ERP44: variants seen among roughly 807,000 people sequenced by gnomAD.
The protein encoded by ERP44 is endoplasmic reticulum resident protein 44.
ERP44 carries 25 observed loss-of-function variants against 53.4 expected under a neutral mutation model. That is an observed-to-expected ratio of 0.47 (90% CI 0.34 to 0.65). The LOEUF (loss-of-function observed/expected upper bound fraction) is 0.65. Among genes scored for constraint, ERP44 ranks in the 30% least tolerant of loss-of-function variants. ERP44 has a pLI of 0.01. For missense variants in ERP44, 338 were observed against 493.2 expected, an observed-to-expected ratio of 0.69 and a Z score of 2.98; for synonymous variants, 145 against 161.2, an observed-to-expected ratio of 0.90 and a Z score of 0.76.
At chr9:99,999,747 T>G (rs2118622510) in intron 10 of ERP44, among the ~76,000 whole-genome samples, 1 of 152,320 alleles carries the variant, frequency 6.6e-6, no homozygotes, top group Non-Finnish European at 1.5e-5. Context: ...ATCCAAAAAT[T>G]TGTGGCCCAC....
chr9:100,092,705 C>T (rs1238262982), intron 1 of ERP44, among the ~76,000 whole-genome samples: 3 of 152,106 alleles, frequency 2.0e-5, no homozygotes, highest in East Asian at 1.9e-4. Flanking sequence ...AACAAGAACC[C>T]ATAATACAAA....
At chr9:100,024,946 G>C (rs370711541) in intron 4 of ERP44, among the ~76,000 whole-genome samples, 12 of 152,138 alleles carry the variant, frequency 7.9e-5, no homozygotes, top group African/African-American at 2.9e-4. Flanking sequence ...ACTGACACTA[G>C]AAGAAACAGA....
rs181813663 is a variant in ERP44 at position 100,029,971 on chromosome 9, C to A, written c.287-7745G>T. The stretch of plus-strand genomic sequence containing the variant: ...GGCGTGGTGGTGCGCACCTGTAGTT[C>A]CAGCTACTCAGGAGGCTGAGGCGGG... On this transcript the variant is annotated intron_variant, in intron 4 of 11. Coordinates refer to ENST00000262455, the MANE Select transcript of ERP44 (RefSeq NM_015051.3). Among the ~76,000 whole-genome samples the A allele has an allele frequency of 5.3e-5, 8 of 152,242 alleles. No individual in the cohort carries two copies. In the East Asian group the frequency reaches 1.5e-3, roughly 29 times the overall value.
intron 10 of ERP44, among the ~76,000 whole-genome samples, chr9:99,985,822 C>T (rs945296928): frequency 2.6e-5 from 4 of 152,200 alleles, no homozygotes; most frequent in South Asian, 2.1e-4. Context: ...GATCATTAAA[C>T]TAGCTTTTAT....
chr9:100,031,518 T>C (rs1410477357), intron 4 of ERP44, among the ~76,000 whole-genome samples: 1 of 152,200 alleles, frequency 6.6e-6, no homozygotes, highest in Non-Finnish European at 1.5e-5. Flanking sequence ...TCTGGTTTGA[T>C]ATCTGTAAGA....
intron 11 of ERP44, among the ~76,000 whole-genome samples, chr9:99,983,800 G>T (rs1830172604): frequency 1.3e-5 from 2 of 152,012 alleles, no homozygotes; most frequent in Admixed American, 6.5e-5. Flanking sequence ...AATTTTTTCA[G>T]TGAGATATAT....
chr9:100,092,360 T>C (rs1258185337), intron 1 of ERP44, among the ~76,000 whole-genome samples: 1 of 152,242 alleles, frequency 6.6e-6, no homozygotes, highest in Non-Finnish European at 1.5e-5. Context: ...AATAAGTCTA[T>C]AATCAGTAGG....
At chr9:99,991,974 T>C (rs1020576126) in intron 10 of ERP44, among the ~76,000 whole-genome samples, 3 of 152,114 alleles carry the variant, frequency 2.0e-5, no homozygotes, top group Non-Finnish European at 2.9e-5. Flanking sequence ...CAGGAAGACG[T>C]TGAATCCCTG....
At chr9:100,025,657 T>C (rs925396015) in intron 4 of ERP44, among the ~76,000 whole-genome samples, 1 of 152,166 alleles carries the variant, frequency 6.6e-6, no homozygotes, top group Non-Finnish European at 1.5e-5. Context: ...ACTTGTGATA[T>C]ACTAAAAGCT....
intron 4 of ERP44, among the ~76,000 whole-genome samples, chr9:100,030,573 CA>C (rs1191881569): frequency 6.6e-6 from 1 of 152,126 alleles, no homozygotes; most frequent in Non-Finnish European, 1.5e-5. Flanking sequence ...TTAGAGGCCC[CA>C]CTCAGTAAAG....
chr9:100,091,967 A>T (rs1826562609), intron 1 of ERP44, among the ~76,000 whole-genome samples: 1 of 152,162 alleles, frequency 6.6e-6, no homozygotes, highest in African/African-American at 2.4e-5. Flanking sequence ...CTAATTATTT[A>T]TATATATATC....
At chr9:100,075,063 A>G (rs895642747) in intron 1 of ERP44, among the ~76,000 whole-genome samples, 3 of 152,218 alleles carry the variant, frequency 2.0e-5, no homozygotes, top group African/African-American at 4.8e-5. Context: ...GTCAAAAACA[A>G]TATCGCATCC....
At chr9:100,008,159 C>G (rs1830438838) in intron 8 of ERP44, among the ~76,000 whole-genome samples, 1 of 152,032 alleles carries the variant, frequency 6.6e-6, no homozygotes, top group African/African-American at 2.4e-5. Flanking sequence ...TTTTTATATT[C>G]TAAGGTTGCA....
At position 100,039,650 on chromosome 9, in the gene ERP44, T is replaced by C. The variant is rs551076228; in HGVS notation, c.286+12767A>G. On this transcript the variant is annotated intron_variant, in intron 4 of 11. Transcript: ENST00000262455. ...AAGATCAAACCAAACCCAAAATTAG[T>C]AGAAGAAAAGAAATAATAAAGATCA... Among the ~76,000 whole-genome samples, 6 of 151,618 alleles carry C rather than the reference T, an allele frequency of 4.0e-5. No individual in the cohort carries two copies. The South Asian group carries it at 1.3e-3, about 32-fold the overall frequency.
chr9:100,037,168 A>G (rs1825854733), intron 4 of ERP44, among the ~76,000 whole-genome samples: 1 of 152,172 alleles, frequency 6.6e-6, no homozygotes, highest in Non-Finnish European at 1.5e-5. Context: ...ATAAACAGTG[A>G]TTGGGAGAAG....
At chr9:100,018,461 A>G in intron 6 of ERP44, 148 bp from the exon 7 acceptor site, 1 of 578,514 alleles carries the variant, frequency 1.7e-6, no homozygotes, top group Non-Finnish European at 3.1e-6. Flanking sequence ...GAAAACGTTT[A>G]ATATGAGGCA....
At chr9:100,037,990 C>T (rs1825861556) in intron 4 of ERP44, among the ~76,000 whole-genome samples, 1 of 151,998 alleles carries the variant, frequency 6.6e-6, no homozygotes, top group Non-Finnish European at 1.5e-5. Context: ...GATAACATCC[C>T]ACTATTATTA....
chr9:100,017,424 A>G (rs920400048), intron 7 of ERP44, among the ~76,000 whole-genome samples: 5 of 152,196 alleles, frequency 3.3e-5, no homozygotes, highest in African/African-American at 7.2e-5. Flanking sequence ...CAACCACACT[A>G]CCACTGAGAG....
At chr9:100,056,612 G>A (rs1274732512) in intron 3 of ERP44, among the ~76,000 whole-genome samples, 1 of 152,158 alleles carries the variant, frequency 6.6e-6, no homozygotes, top group Non-Finnish European at 1.5e-5. Flanking sequence ...AGGGGTAGGT[G>A]TATTGATCCA....
Sources: gnomAD v4.1 joint callset for allele counts (sites outside exome capture counted in the v4.1 genomes callset) on GRCh38, gnomAD v4.1.1 for gene constraint, MANE v1.5 for transcripts, NCBI Gene and HGNC (gene_info 2026-07-23, HGNC 2026-07-21) for gene names.